ADAMTS9: variants seen among roughly 807,000 people sequenced by gnomAD.
ADAMTS9 encodes the protein ADAM metallopeptidase with thrombospondin type 1 motif 9.
A neutral mutation model predicts 257.1 loss-of-function variants in ADAMTS9; 107 were observed. The observed-to-expected ratio is 0.42, with a 90% CI of 0.36 to 0.49. The LOEUF is 0.49. Ranked by LOEUF, ADAMTS9 falls within the 20% of genes least tolerant of loss-of-function variation. The pLI, the probability that ADAMTS9 is intolerant of heterozygous loss-of-function variation, is 0.03. For missense variants in ADAMTS9, 2,353 were observed against 2,469.1 expected (o/e 0.95, Z 1.00); for synonymous variants, 982 against 880.9 (o/e 1.11, Z -2.03).
In ADAMTS9 at chr3:64,516,674, A is replaced by T. The variant is rs1320861995; in HGVS notation, c.*453T>A. ...TGATACTTGCCTAGAAATGCCAAAA[A>T]TATCTTTTATACAACTCTTATAGCA... On this transcript the variant is annotated 3_prime_UTR_variant, in exon 40 of 40. Coordinates refer to ENST00000498707, the MANE Select transcript of ADAMTS9 (RefSeq NM_182920.2). The T allele has an allele frequency of 2.0e-5, 3 of 152,664 alleles. No individual in the cohort carries two copies. The highest frequency in any genetic ancestry group is 4.8e-5 in the African/African-American group (2 of 41,458). 9.5% of individuals were successfully genotyped at this position (152,664 alleles called of 1,614,324 possible).
At chr3:64,531,963 C>T (rs975948576) in intron 38 of ADAMTS9, among the ~76,000 whole-genome samples, 16 of 152,140 alleles carry the variant, frequency 1.1e-4, no homozygotes, top group Middle Eastern at 3.2e-3. Context: ...TAAGTGGCAG[C>T]GGTTTCTGAC....
chr3:64,541,924 C>G lies in ADAMTS9; in HGVS notation c.5111G>C (p.Cys1704Ser). ...GCTGGGTTGGTCCTCATTGGTTAAA[C>G]ATTGCACAGATCTCTGCATCACTCC... ...GVGVMQRSVQCLTNEDQPSHL... is the reference protein window; with the variant it reads ...GVGVMQRSVQSLTNEDQPSHL... Residue 1704 changes from cysteine to serine, a missense_variant, in exon 33 of 40, where the codon TGT becomes TCT. By Grantham distance (112) the Cys-to-Ser change is moderately radical. This residue lies in a region of ADAMTS9 where 1,402 missense variants were observed against 1,441.4 expected (regional missense o/e 0.97). Coordinates refer to ENST00000498707, the MANE Select transcript of ADAMTS9 (RefSeq NM_182920.2). 1 of 1,614,142 alleles carries G rather than the reference C, an allele frequency of 6.2e-7. No individual in the cohort carries two copies. The highest frequency in any genetic ancestry group is 8.5e-7 in the Non-Finnish European group (1 of 1,180,008).
intron 38 of ADAMTS9, among the ~76,000 whole-genome samples, chr3:64,523,432 T>C (rs986564720): frequency 6.6e-6 from 1 of 152,182 alleles, no homozygotes; most frequent in Non-Finnish European, 1.5e-5. Context: ...AATAGTGGAA[T>C]AGTTTATGGA....
Position 64,631,889 on chromosome 3 carries a change from G to A in ADAMTS9, c.2212C>T (p.Arg738Trp), listed in dbSNP as rs747104868. Reference protein sequence around the residue: ...GCDHVLNSKARRDKCGVCGGD... With the variant: ...GCDHVLNSKAWRDKCGVCGGD... The stretch of plus-strand genomic sequence containing the variant: ...CCACAAACCCCACATTTATCTCTCC[G>A]GGCTTTTGAGTTTAAAACATGATCG... The change falls in exon 15 of 40, where the codon CGG (arginine) becomes TGG (tryptophan). Residue 738 changes from arginine to tryptophan, a missense_variant. Arg to Trp is a moderately radical substitution (Grantham distance 101). Coordinates refer to ENST00000498707, the MANE Select transcript of ADAMTS9 (RefSeq NM_182920.2). The A allele has an allele frequency of 1.1e-5, 17 of 1,613,576 alleles. No homozygotes were observed. The highest frequency in any genetic ancestry group is 1.2e-5 in the Non-Finnish European group (14 of 1,179,910).
chr3:64,650,928 T>C, intron 9 of ADAMTS9, 89 bp downstream of exon 9: 1 of 1,350,462 alleles, frequency 7.4e-7, no homozygotes, highest in Non-Finnish European at 1.0e-6. Flanking sequence ...AAAAGGAATG[T>C]TTGACTTCAT....
chr3:64,648,002 G>A lies in ADAMTS9; in HGVS notation c.1648C>T (p.His550Tyr), dbSNP rs779664443. The A allele has an allele frequency of 7.4e-6, 12 of 1,613,500 alleles. No individual in the cohort carries two copies. Among genetic ancestry groups the A allele is most frequent in the Admixed American group, 5.0e-5 (3 of 59,996 alleles). Residue 550 changes from histidine (H) to tyrosine (Y), a missense_variant, in exon 11 of 40, where the codon CAC becomes TAC. Physicochemically the swap from His to Tyr is moderately conservative, Grantham distance 83. Coordinates refer to ENST00000498707, the MANE Select transcript of ADAMTS9 (RefSeq NM_182920.2). ...RLWCNNVNGV[H>Y]KGCRTQHTPW... Reference sequence around the variant, plus strand: ...GTGTGCTGAGTCCGGCAGCCTTTGTGTACTCCATTGACGTTATTGCACCAG... The same window carrying A: ...GTGTGCTGAGTCCGGCAGCCTTTGTATACTCCATTGACGTTATTGCACCAG...
chr3:64,683,310 G>A (rs1264354506), intron 2 of ADAMTS9, among the ~76,000 whole-genome samples: 1 of 152,126 alleles, frequency 6.6e-6, no homozygotes, highest in Admixed American at 6.5e-5. Context: ...CCCCTTCAAT[G>A]GTACAGAAGC....
At chr3:64,578,408 C>T (rs1339716086) in intron 28 of ADAMTS9, among the ~76,000 whole-genome samples, 1 of 152,064 alleles carries the variant, frequency 6.6e-6, no homozygotes, top group Non-Finnish European at 1.5e-5. Context: ...GCTAAAATTA[C>T]ATTTGATGGT....
intron 12 of ADAMTS9, among the ~76,000 whole-genome samples, chr3:64,638,876 GA>G (rs139203782): frequency 2.6e-4 from 39 of 147,666 alleles, no homozygotes; most frequent in South Asian, 2.2e-3. Context: ...TGTGAAAAAA[GA>G]AAAAAAAAAT....
chr3:64,652,234 G>C (rs1377450477), intron 8 of ADAMTS9, among the ~76,000 whole-genome samples: 2 of 152,178 alleles, frequency 1.3e-5, no homozygotes, highest in African/African-American at 4.8e-5. Flanking sequence ...TCATATAAAA[G>C]TTGGAATAAA....
chr3:64,647,967 G>A lies in ADAMTS9; in HGVS notation c.1683C>T (p.Ala561=), dbSNP rs754227060. 1.1e-5 allele frequency: 17 copies of A among 1,613,694 alleles called. No individual in the cohort carries two copies. Among genetic ancestry groups the A allele is most frequent in the Admixed American group, 1.0e-4 (6 of 59,986 alleles). The change falls in exon 11 of 40, where the codon GCC becomes GCT. Residue 561 remains alanine, a synonymous_variant. Transcript: ENST00000498707. ...TTCCAGGCTCGCACTCCGTCCCATC[G>A]GCCCAGGGTGTGTGCTGAGTCCGGC... ...KGCRTQHTPW[A]DGTECEPGKH...
At chr3:64,623,784 T>A (rs1034547447) in intron 16 of ADAMTS9, among the ~76,000 whole-genome samples, 1 of 152,332 alleles carries the variant, frequency 6.6e-6, no homozygotes, top group Admixed American at 6.5e-5. Flanking sequence ...ATGGTAAGAA[T>A]GTTGGGATCA....
At chr3:64,582,055 CA>C (rs1559776052) in intron 28 of ADAMTS9, among the ~76,000 whole-genome samples, 1 of 152,136 alleles carries the variant, frequency 6.6e-6, no homozygotes, top group Non-Finnish European at 1.5e-5. Flanking sequence ...GGGACCAAGA[CA>C]TATCATCTAA....
intron 18 of ADAMTS9, 113 bp downstream of exon 18, chr3:64,622,085 A>G (rs562719020): frequency 2.7e-6 from 3 of 1,109,462 alleles, no homozygotes; most frequent in African/African-American, 1.6e-5. Context: ...AGATTAGAGA[A>G]CGTATGCAGA....
At chr3:64,544,561 A>T (rs2083171874) in intron 32 of ADAMTS9, among the ~76,000 whole-genome samples, 1 of 152,230 alleles carries the variant, frequency 6.6e-6, no homozygotes, top group South Asian at 2.1e-4. Context: ...GGCTAGCCAT[A>T]TGTAGAAAGC....
At chr3:64,554,172 A>G (rs914534629) in intron 30 of ADAMTS9, among the ~76,000 whole-genome samples, 1 of 152,352 alleles carries the variant, frequency 6.6e-6, no homozygotes, top group African/African-American at 2.4e-5. Flanking sequence ...CAGAGCAGAA[A>G]TACAATGAAT....
chr3:64,641,793 G>T, intron 12 of ADAMTS9, 55 bp downstream of exon 12: 1 of 1,600,008 alleles, frequency 6.2e-7, no homozygotes, highest in Non-Finnish European at 8.5e-7. Context: ...ATTCCCTTTA[G>T]GAATTTCATG....
At chr3:64,639,490 C>T (rs1224333201) in intron 12 of ADAMTS9, among the ~76,000 whole-genome samples, 2 of 151,916 alleles carry the variant, frequency 1.3e-5, no homozygotes, top group East Asian at 3.9e-4. Context: ...TAGCCCATTC[C>T]AATTACGGAG....
rs1043271999 is a variant in ADAMTS9 at position 64,616,089 on chromosome 3, A to G, written c.2895T>C (p.Tyr965=). The G allele has an allele frequency of 5.6e-6, 9 of 1,614,028 alleles. No homozygotes were observed. The highest frequency in any genetic ancestry group is 1.6e-4 in the Middle Eastern group (1 of 6,070). Residue 965 remains tyrosine (Y), a synonymous_variant, in exon 20 of 40, where the codon TAT becomes TAC. Coordinates refer to ENST00000498707, the MANE Select transcript of ADAMTS9 (RefSeq NM_182920.2). ...YRTLDIYCAK[Y]SRLDGKTEKV... ...TCTCAGTCTTCCCATCCAGCCTGCT[A>G]TATTTGGCACAGTAGATGTCCAATG...
Sources: gnomAD v4.1 joint callset for allele counts (sites outside exome capture counted in the v4.1 genomes callset) on GRCh38, gnomAD v4.1.1 for gene constraint, gnomAD v4.1.1 regional missense constraint, MANE v1.5 for transcripts, NCBI Gene and HGNC (gene_info 2026-07-23, HGNC 2026-07-21) for gene names.